PLXNA3: variants seen among roughly 807,000 people sequenced by gnomAD.
The protein encoded by PLXNA3 is plexin A3.
Under a neutral mutation model 118.8 loss-of-function variants are expected in PLXNA3, and 52 were observed. That is an observed-to-expected ratio of 0.44 (90% CI 0.35 to 0.55). PLXNA3 has a LOEUF of 0.55. PLXNA3 is among the 20% of genes least tolerant of loss of function. PLXNA3 has a pLI of 0.01. For synonymous variants in PLXNA3, 925 were observed against 762.4 expected (o/e 1.21, Z -3.51); for missense variants, 1,660 against 1,730.8 (o/e 0.96, Z 0.73).
chrX:154,462,928 G>A (rs2069001480), intron 4 of PLXNA3, among the ~76,000 whole-genome samples: 1 of 111,185 alleles, frequency 9.0e-6, no homozygotes, highest in Admixed American at 9.5e-5. Context: ...GCAAGTGTTG[G>A]TCTGGGGGCG....
At position 154,476,307 on chromosome X, in the gene PLXNA3, T is replaced by G. The variant is rs1471492044; in HGVS notation, c.*3622T>G. On this transcript the variant is annotated 3_prime_UTR_variant, in exon 33 of 33. Coordinates refer to ENST00000369682, the MANE Select transcript of PLXNA3 (RefSeq NM_017514.5). The stretch of plus-strand genomic sequence containing the variant: ...CCCTGTGTCTACTAAAAATACAAAA[T>G]TAGCTGGGCGTGGTGGTGCATGCCT... 9.3e-6 allele frequency: 1 copy of G among 107,153 alleles called. No individual in the cohort carries two copies. Among genetic ancestry groups the G allele is most frequent in the African/African-American group, 3.4e-5 (1 of 29,238 alleles). The allele number at this position is 107,153 out of a possible 1,213,427, so 8.8% of individuals were successfully genotyped here.
rs782339269 is a variant in PLXNA3 at position 154,464,469 on chromosome X, C to T, written c.1896C>T (p.Asp632=). 1.9e-4 allele frequency: 233 copies of T among 1,208,901 alleles called. No individual in the cohort carries two copies. Among genetic ancestry groups the T allele is most frequent in the Non-Finnish European group, 2.5e-4 (220 of 893,790 alleles). Residue 632 remains aspartate (D), a synonymous_variant, in exon 9 of 33, where the codon GAC becomes GAT. Coordinates refer to ENST00000369682, the MANE Select transcript of PLXNA3 (RefSeq NM_017514.5). ...KETGVRFAGA[D]FVFYNCSVLQ... ...CAGGCGTGAGGTTTGCCGGTGCTGA[C>T]TTTGTCTTCTACAACTGCAGCGTCC... is the stretch of plus-strand genomic sequence containing the variant.
In PLXNA3 at chrX:154,466,761, C is replaced by T. The variant is rs372585088; in HGVS notation, c.3075C>T (p.Val1025=). 3.4e-5 allele frequency: 41 copies of T among 1,189,762 alleles called. No homozygotes were observed. The highest frequency in any genetic ancestry group is 2.3e-4 in the Middle Eastern group (1 of 4,337). The change falls in exon 17 of 33, where the codon GTC becomes GTT. Residue 1025 remains valine, a synonymous_variant. Coordinates refer to ENST00000369682, the MANE Select transcript of PLXNA3 (RefSeq NM_017514.5). ...LIYTYTQDPT[V]TRLEPTWSII... The stretch of plus-strand genomic sequence containing the variant: ...ACACCTACACTCAGGACCCCACCGT[C>T]ACCCGCCTTGAGCCCACCTGGAGCA...
In PLXNA3 at chrX:154,460,226, G is replaced by T. The variant is rs1043167831; in HGVS notation, c.43G>T (p.Gly15Trp). The change falls in exon 2 of 33, where the codon GGG (glycine) becomes TGG (tryptophan). Residue 15 changes from glycine to tryptophan, a missense_variant. By Grantham distance (184) the Gly-to-Trp change is radical. Around this residue, in one of 2 missense-constraint regions of PLXNA3, gnomAD observed 791 missense variants for 652.1 expected, o/e 1.21. Transcript: ENST00000369682. ...CCTCCTGCTGCTCTTCCTTGCCGTGGGGGGGGCCCTGGGCAACAGGCCCTT... is the reference window on the plus strand; with the variant it reads ...CCTCCTGCTGCTCTTCCTTGCCGTGTGGGGGGCCCTGGGCAACAGGCCCTT... ...CLLLLLFLAVGGALGNRPFRA... is the reference protein window; with the variant it reads ...CLLLLLFLAVWGALGNRPFRA... 8.3e-7 allele frequency: 1 copy of T among 1,209,411 alleles called. No homozygotes were observed. The highest frequency in any genetic ancestry group is 3.0e-5 in the East Asian group (1 of 33,858).
chrX:154,464,902 C>T, intron 10 of PLXNA3, 34 bp downstream of exon 10: 1 of 1,107,841 alleles, frequency 9.0e-7, no homozygotes, highest in Non-Finnish European at 1.2e-6. Flanking sequence ...GGGCTGGGCT[C>T]TGTGGTGCGG....
intron 6 of PLXNA3, 45 bp downstream of exon 6, chrX:154,463,735 G>T: frequency 1.9e-6 from 2 of 1,045,386 alleles, no homozygotes; most frequent in Non-Finnish European, 2.6e-6. Context: ...GGCCCCACTG[G>T]CCAGGGGGAG....
At position 154,467,095 on chromosome X, in the gene PLXNA3, T is replaced by C; in HGVS notation, c.3146T>C (p.Leu1049Pro). Residue 1049 changes from leucine to proline, a missense_variant, in exon 18 of 33, where the codon CTG (leucine) becomes CCG (proline). This residue lies in a region of PLXNA3 where 869 missense variants were observed against 1,078.7 expected (regional missense o/e 0.81). Coordinates refer to ENST00000369682, the MANE Select transcript of PLXNA3 (RefSeq NM_017514.5). ...TAITVSGTHL[L>P]TVQEPRVRAK... ...ATCACTGTGAGTGGGACCCACCTGC[T>C]GACGGTCCAGGAGCCCCGGGTCCGT... 1.7e-6 allele frequency: 2 copies of C among 1,210,505 alleles called. No individual in the cohort carries two copies. Among genetic ancestry groups the C allele is most frequent in the Non-Finnish European group, 2.2e-6 (2 of 895,049 alleles).
chrX:154,460,292 G>A lies in PLXNA3; in HGVS notation c.109G>A (p.Ala37Thr), dbSNP rs868987554. ...GACAGACACCACGCTTACCCACCTG[G>A]CTGTGCACCGGGTGACTGGGGAGGT... The part of the protein sequence containing the change: ...VVTDTTLTHL[A>T]VHRVTGEVFV... Residue 37 changes from alanine to threonine, a missense_variant, in exon 2 of 33, where the codon GCT becomes ACT. By Grantham distance (58) the Ala-to-Thr change is moderately conservative. Transcript: ENST00000369682. 2.5e-6 allele frequency: 3 copies of A among 1,208,489 alleles called. No homozygotes were observed. Among genetic ancestry groups the A allele is most frequent in the Non-Finnish European group, 3.4e-6 (3 of 894,048 alleles).
In PLXNA3 at chrX:154,468,417, G is replaced by A. The variant is rs1312516017; in HGVS notation, c.4078G>A (p.Asp1360Asn). 1 of 1,210,761 alleles carries A rather than the reference G, an allele frequency of 8.3e-7. No individual in the cohort carries two copies. Among genetic ancestry groups the A allele is most frequent in the Admixed American group, 2.2e-5 (1 of 46,122 alleles). Residue 1360 changes from aspartate (D) to asparagine (N), a missense_variant, in exon 23 of 33, where the codon GAC becomes AAC. Coordinates refer to ENST00000369682, the MANE Select transcript of PLXNA3 (RefSeq NM_017514.5). ...LEAQSSFSMR[D>N]RGTVASLTMV... ...GGCCCAGAGCAGCTTCTCCATGCGC[G>A]ACCGCGGCACCGTGGCCTCGCTCAC...
chrX:154,472,079 C>G (rs782431203), intron 32 of PLXNA3, among the ~76,000 whole-genome samples: 1 of 111,260 alleles, frequency 9.0e-6, no homozygotes, highest in Non-Finnish European at 1.9e-5. Context: ...AGCCCAGGGC[C>G]CCAGGACACA....
chrX:154,463,755 C>T (rs1363771573), intron 6 of PLXNA3, 65 bp downstream of exon 6: 1 of 1,004,451 alleles, frequency 1.0e-6, no homozygotes, highest in Non-Finnish European at 1.4e-6. Context: ...GCCAGCCACA[C>T]CCAGCCGTGC....
At position 154,477,311 on chromosome X, in the gene PLXNA3, T is replaced by G. The variant is rs1033810385; in HGVS notation, c.*4626T>G. ...CCTTGTTTTCTGAGAATAAAAGCAG[T>G]TGTACCTCTTCCTTTTCACTCTCAG... On this transcript the variant is annotated 3_prime_UTR_variant, in exon 33 of 33. Coordinates refer to ENST00000369682, the MANE Select transcript of PLXNA3 (RefSeq NM_017514.5). 1 of 112,506 alleles carries G rather than the reference T, an allele frequency of 8.9e-6. No individual in the cohort carries two copies. Among genetic ancestry groups the G allele is most frequent in the Non-Finnish European group, 1.9e-5 (1 of 53,286 alleles). 9.3% of individuals were successfully genotyped at this position (112,506 alleles called of 1,213,427 possible). A position where few individuals can be genotyped will look rare whatever the true frequency, so the allele number is the denominator to read the frequency against.
In PLXNA3 at chrX:154,466,165, G is replaced by A; in HGVS notation, c.2694G>A (p.Met898Ile). 1 of 1,210,541 alleles carries A rather than the reference G, an allele frequency of 8.3e-7. No individual in the cohort carries two copies. Among genetic ancestry groups the A allele is most frequent in the African/African-American group, 1.7e-5 (1 of 58,008 alleles). ...TGAGCCCTAGGATCGTGTGTGAGAT[G>A]GAGGAGTCGCTGGTGCCCAGCCCGC... ...YISAERIVCE[M>I]EESLVPSPPP... The change falls in exon 15 of 33, where the codon ATG becomes ATA. Residue 898 changes from methionine (M) to isoleucine (I), a missense_variant. Met to Ile is a conservative substitution (Grantham distance 10, BLOSUM62 1). This residue lies in a region of PLXNA3 where 869 missense variants were observed against 1,078.7 expected (regional missense o/e 0.81). Transcript: ENST00000369682.
chrX:154,464,494 C>T lies in PLXNA3; in HGVS notation c.1921C>T (p.Leu641Phe). The T allele has an allele frequency of 8.3e-7, 1 of 1,203,961 alleles. No homozygotes were observed. The highest frequency in any genetic ancestry group is 1.1e-6 in the Non-Finnish European group (1 of 888,442). The change falls in exon 9 of 33, where the codon CTC (leucine) becomes TTC (phenylalanine). Residue 641 changes from leucine (L) to phenylalanine (F), a missense_variant. Around this residue, in one of 2 missense-constraint regions of PLXNA3, gnomAD observed 791 missense variants for 652.1 expected, o/e 1.21. Transcript: ENST00000369682. ...ADFVFYNCSV[L>F]QSCMSCVGSP... is the part of the protein sequence containing the mutation. Reference sequence around the variant, plus strand: ...CTTTGTCTTCTACAACTGCAGCGTCCTCCAGTCGTGAGTACCTGGCCAGCA... The same window carrying T: ...CTTTGTCTTCTACAACTGCAGCGTCTTCCAGTCGTGAGTACCTGGCCAGCA...
At chrX:154,462,010 T>C in intron 3 of PLXNA3, 118 bp from the exon 4 acceptor site, 1 of 599,349 alleles carries the variant, frequency 1.7e-6, no homozygotes, top group Non-Finnish European at 2.6e-6. Context: ...GAGCAGTCAG[T>C]CCTGGCTGGA....
At position 154,465,625 on chromosome X, in the gene PLXNA3, T is replaced by G. The variant is rs781967305; in HGVS notation, c.2342-32T>G. 21 of 1,195,866 alleles carry G rather than the reference T, an allele frequency of 1.8e-5. No homozygotes were observed. In the South Asian group the frequency reaches 3.2e-4, roughly 18 times the overall value. On this transcript the variant is annotated intron_variant, in intron 12 of 32. Coordinates refer to ENST00000369682, the MANE Select transcript of PLXNA3 (RefSeq NM_017514.5). Reference sequence around the variant, plus strand: ...CACTTTCCACTTTTCTGCCACTGCCTGCTCCGTCAGCAGTGCCTTCTGTGC... The same window carrying G: ...CACTTTCCACTTTTCTGCCACTGCCGGCTCCGTCAGCAGTGCCTTCTGTGC...
At chrX:154,468,274 C>A (rs1300561042) in intron 22 of PLXNA3, 29 bp from the exon 23 acceptor site, 1 of 1,191,984 alleles carries the variant, frequency 8.4e-7, no homozygotes, top group South Asian at 1.8e-5. Flanking sequence ...GGGCCGCCCC[C>A]ACCCTCTGAG....
Position 154,468,807 on chromosome X carries a change from C to G in PLXNA3, c.4288-16C>G. ...GTCAGGCAGGCAGCCAGCTGTGCAC[C>G]TGTCCCTGGCTGCAGGAGTGTGCTG... On this transcript the variant is annotated splice_polypyrimidine_tract_variant and intron_variant, in intron 24 of 32. Transcript: ENST00000369682. 8.3e-7 allele frequency: 1 copy of G among 1,211,437 alleles called. No homozygotes were observed. Among genetic ancestry groups the G allele is most frequent in the Non-Finnish European group, 1.1e-6 (1 of 895,377 alleles).
At chrX:154,463,748 A>T (rs1055036219) in intron 6 of PLXNA3, 58 bp downstream of exon 6, 5 of 1,019,229 alleles carry the variant, frequency 4.9e-6, no homozygotes, top group Middle Eastern at 3.6e-4. Context: ...AGGGGGAGCC[A>T]GCCACACCCA....
Sources: gnomAD v4.1 joint callset for allele counts (sites outside exome capture counted in the v4.1 genomes callset) on GRCh38, gnomAD v4.1.1 for gene constraint, gnomAD v4.1.1 regional missense constraint, MANE v1.5 for transcripts, NCBI Gene and HGNC (gene_info 2026-07-23, HGNC 2026-07-21) for gene names.